Variants in MLXIP observed in about 807,000 individuals in gnomAD.
MLXIP encodes MLX interacting protein.
A neutral mutation model predicts 87.2 loss-of-function variants in MLXIP; 30 were observed. The observed-to-expected ratio is 0.34, with a 90% CI of 0.26 to 0.47. The LOEUF is 0.47. MLXIP is among the 20% of genes least tolerant of loss of function. The pLI is 1.00. For missense variants in MLXIP, 1,002 were observed against 1,240.1 expected (o/e 0.81, Z 2.88); for synonymous variants, 530 against 514.0 (o/e 1.03, Z -0.42).
At chr12:122,081,255 C>T (rs540001187) in intron 1 of MLXIP, among the ~76,000 whole-genome samples, 4 of 152,270 alleles carry the variant, frequency 2.6e-5, no homozygotes, top group African/African-American at 9.6e-5. Context: ...TGCCTAAGGT[C>T]GGCCACCTAA....
rs1388781264 is a variant in MLXIP, at chr12:122,135,980, G to C, written c.2032+314G>C. On this transcript the variant is annotated intron_variant, in intron 11 of 16. Coordinates refer to ENST00000319080, the MANE Select transcript of MLXIP (RefSeq NM_014938.6). The surrounding 1 kb of genome is among the most constrained non-coding windows in gnomAD (Gnocchi z 5.3). ...GCTGATCTCACCCAGAGAAGGGATT[G>C]AGGAGCCCTGGGCTTCCTGTCTCTG... 1 of 293,276 alleles carries C rather than the reference G, an allele frequency of 3.4e-6. No homozygotes were observed. Among genetic ancestry groups the C allele is most frequent in the African/African-American group, 2.2e-5 (1 of 45,470 alleles). The allele number at this position is 293,276 out of a possible 1,614,324, so 18.2% of individuals were successfully genotyped here.
At chr12:122,101,656 C>T (rs1952440716) in intron 1 of MLXIP, among the ~76,000 whole-genome samples, 1 of 147,634 alleles carries the variant, frequency 6.8e-6, no homozygotes, top group Non-Finnish European at 1.5e-5. Context: ...TCTCGGCTCA[C>T]TGCAAGCTCC....
intron 1 of MLXIP, among the ~76,000 whole-genome samples, chr12:122,099,454 CT>C (rs1565963288): frequency 2.6e-5 from 4 of 152,142 alleles, no homozygotes; most frequent in African/African-American, 9.7e-5. Context: ...GTGCTGCGCA[CT>C]GGTGGCCCCA....
At chr12:122,129,856 GA>G (rs930562202) in intron 5 of MLXIP, 84 bp from the exon 6 acceptor site, 2 of 1,525,104 alleles carry the variant, frequency 1.3e-6, no homozygotes, top group Admixed American at 3.8e-5. Flanking sequence ...CCCCTTTGAC[GA>G]ATTTCCCCAG....
At chr12:122,081,564 T>C (rs140703180) in intron 1 of MLXIP, among the ~76,000 whole-genome samples, 1,810 of 152,220 alleles carry the variant, frequency 0.012, 28 homozygotes, top group African/African-American at 0.042. Context: ...GGCTCATGCC[T>C]GTAGTCCCAG....
intron 1 of MLXIP, among the ~76,000 whole-genome samples, chr12:122,106,997 A>G (rs1180828787): frequency 3.9e-5 from 6 of 152,142 alleles, no homozygotes; most frequent in Admixed American, 3.3e-4. Flanking sequence ...CAGGACTCCA[A>G]CTGGGCCCAC....
At chr12:122,128,007 A>G (rs761716259) in intron 3 of MLXIP, 39 bp downstream of exon 3, 12 of 1,558,196 alleles carry the variant, frequency 7.7e-6, no homozygotes, top group Non-Finnish European at 1.1e-5. Flanking sequence ...GAGTGGAAAC[A>G]TACCAGCACC....
intron 4 of MLXIP, 149 bp downstream of exon 4, chr12:122,129,375 C>T (rs1218300815): frequency 1.1e-6 from 1 of 909,956 alleles, no homozygotes; most frequent in African/African-American, 1.6e-5. Context: ...GCGTGCCAGA[C>T]TAGCCTGGGC....
chr12:122,108,729 C>T (rs1198631256), intron 1 of MLXIP, among the ~76,000 whole-genome samples: 1 of 152,136 alleles, frequency 6.6e-6, no homozygotes, highest in East Asian at 1.9e-4. Context: ...TGGAGGGAAC[C>T]AGCAGTACAT....
intron 5 of MLXIP, 60 bp downstream of exon 5, chr12:122,129,689 G>A: frequency 6.3e-7 from 1 of 1,593,424 alleles, no homozygotes. Flanking sequence ...AGGGACTTCG[G>A]TGGCCCACCA....
At chr12:122,105,775 G>T (rs1162576415) in intron 1 of MLXIP, among the ~76,000 whole-genome samples, 1 of 149,006 alleles carries the variant, frequency 6.7e-6, no homozygotes, top group African/African-American at 2.5e-5. Context: ...GCGGGACTCC[G>T]TCTCAAAAAA....
chr12:122,091,821 C>G (rs1382468987), intron 1 of MLXIP, among the ~76,000 whole-genome samples: 1 of 152,158 alleles, frequency 6.6e-6, no homozygotes, highest in Non-Finnish European at 1.5e-5. Context: ...GAGCAGCCAT[C>G]ACTTAACTTC....
chr12:122,099,799 C>A (rs1952410325), intron 1 of MLXIP, among the ~76,000 whole-genome samples: 1 of 152,112 alleles, frequency 6.6e-6, no homozygotes, highest in South Asian at 2.1e-4. Context: ...TGTGGAAATC[C>A]CAGCCCTGAA....
At chr12:122,140,722 T>G (rs1344864376) in intron 15 of MLXIP, 4 of 634,758 alleles carry the variant, frequency 6.3e-6, no homozygotes, top group Non-Finnish European at 8.6e-6. Context: ...GTCCCCTGCC[T>G]GCTCGGTGCT....
chr12:122,127,456 G>C, intron 2 of MLXIP, 94 bp downstream of exon 2: 1 of 865,770 alleles, frequency 1.2e-6, no homozygotes, highest in Admixed American at 2.8e-5. Context: ...CCTGGGACCT[G>C]GTGTTTCTAA....
intron 5 of MLXIP, 46 bp from the exon 6 acceptor site, chr12:122,129,895 A>G (rs1248954231): frequency 1.9e-6 from 3 of 1,576,654 alleles, no homozygotes; most frequent in Non-Finnish European, 2.6e-6. Flanking sequence ...TCTTCGTCCC[A>G]CTGTTACTCT....
intron 1 of MLXIP, among the ~76,000 whole-genome samples, chr12:122,094,172 TGTG>T (rs1952303133): frequency 2.3e-5 from 3 of 127,696 alleles, no homozygotes; most frequent in Admixed American, 8.6e-5. Flanking sequence ...AGTGTCTGTG[TGTG>T]GTGTTGGTGT....
At chr12:122,117,316 G>A (rs1051321883) in intron 1 of MLXIP, among the ~76,000 whole-genome samples, 2 of 152,244 alleles carry the variant, frequency 1.3e-5, no homozygotes, top group African/African-American at 4.8e-5. Context: ...CAGGTGGCCC[G>A]ACATGCACAC....
chr12:122,133,635 G>A lies in MLXIP; in HGVS notation c.1380G>A (p.Leu460=), dbSNP rs772147433. The change falls in exon 9 of 17, where the codon CTG becomes CTA. Residue 460 remains leucine, a synonymous_variant. Coordinates refer to ENST00000319080, the MANE Select transcript of MLXIP (RefSeq NM_014938.6). This position sits in a 1 kb window ranked among gnomAD's most constrained non-coding sequence, Gnocchi z 4.9. ...LPLVPPPATA[L]NPPAPPTFHQ... ...TAGTTCCTCCTCCTGCCACTGCCCT[G>A]AACCCCCCGGCTCCACCCACCTTCC... 1.2e-6 allele frequency: 2 copies of A among 1,610,804 alleles called. No homozygotes were observed. Among genetic ancestry groups the A allele is most frequent in the South Asian group, 1.1e-5 (1 of 90,766 alleles).
Sources: allele counts gnomAD v4.1 joint callset (sites outside exome capture counted in the v4.1 genomes callset), GRCh38; gene constraint gnomAD v4.1.1; non-coding constraint Gnocchi (gnomAD v3.1); transcripts MANE v1.5; gene names NCBI Gene and HGNC (gene_info 2026-07-23, HGNC 2026-07-21).